PFKFB3: variants seen among roughly 807,000 people sequenced by gnomAD.
PFKFB3 encodes 6-phosphofructo-2-kinase/fructose-2,6-bisphosphatase 3.
PFKFB3 carries 33 observed loss-of-function variants against 68.0 expected under a neutral mutation model. The observed-to-expected ratio is 0.49, with a 90% CI of 0.37 to 0.65. The LOEUF is 0.65. Ranked by LOEUF, PFKFB3 falls within the 30% of genes least tolerant of loss-of-function variation. The probability of loss-of-function intolerance (pLI) is 0.00; values close to 1 mark genes in which losing one functional copy is unlikely to be tolerated. For synonymous variants in PFKFB3, 315 were observed against 288.2 expected (o/e 1.09, Z -0.94); for missense variants, 586 against 712.2 (o/e 0.82, Z 2.02).
chr10:6,254,237 G>T (rs1846452099), exon 15 of PFKFB3: 1 of 398,546 alleles, frequency 2.5e-6, no homozygotes, highest in South Asian at 1.3e-4. Context: ...CCCCTGAAGG[G>T]CAGAGCATTC....
At chr10:6,254,207 C>T in exon 15 of PFKFB3, 1 of 398,096 alleles carries the variant, frequency 2.5e-6, no homozygotes, top group Non-Finnish European at 4.4e-6. Context: ...CTGGAAGGGA[C>T]CCTGAGCCAC....
intron 1 of PFKFB3, among the ~76,000 whole-genome samples, chr10:6,157,437 A>G (rs111557160): frequency 4.1e-4 from 63 of 152,246 alleles, no homozygotes; most frequent in African/African-American, 1.5e-3. Flanking sequence ...CGTGTTAGCC[A>G]GGATGGTCTC....
chr10:6,171,577 G>A (rs541074550), intron 1 of PFKFB3, among the ~76,000 whole-genome samples: 114 of 151,982 alleles, frequency 7.5e-4, no homozygotes, highest in African/African-American at 2.7e-3. Context: ...ATTTTTTGTA[G>A]AGATGAGGTC....
chr10:6,203,690 G>A (rs1843490479), intron 1 of PFKFB3, among the ~76,000 whole-genome samples: 1 of 151,822 alleles, frequency 6.6e-6, no homozygotes, highest in South Asian at 2.1e-4. Flanking sequence ...CGCAGCCCAG[G>A]GACCCGGCCG....
chr10:6,216,470 C>A (rs2251469), intron 4 of PFKFB3, among the ~76,000 whole-genome samples: 1 of 152,060 alleles, frequency 6.6e-6, no homozygotes, highest in Admixed American at 6.5e-5. Context: ...TACTGTTTTG[C>A]TTGTTTGCTT....
chr10:6,262,926 G>T, the PFKFB3 span, among the ~76,000 whole-genome samples: 10 of 152,186 alleles, frequency 6.6e-5, no homozygotes, highest in Admixed American at 1.3e-4. Flanking sequence ...TTCCAGGGGA[G>T]TTGAAAGAAG....
chr10:6,211,963 G>A (rs983175077), intron 1 of PFKFB3, among the ~76,000 whole-genome samples: 5 of 152,226 alleles, frequency 3.3e-5, no homozygotes, highest in African/African-American at 1.2e-4. Context: ...TGGGGGCTCC[G>A]GCTTACAGAG....
the PFKFB3 span, among the ~76,000 whole-genome samples, chr10:6,310,425 C>T: frequency 1.3e-5 from 2 of 152,172 alleles, no homozygotes; most frequent in African/African-American, 2.4e-5. Flanking sequence ...AGGCTGTTTA[C>T]ATCGCGAGTC....
chr10:6,278,658 A>G, the PFKFB3 span, among the ~76,000 whole-genome samples: 1 of 152,238 alleles, frequency 6.6e-6, no homozygotes, highest in African/African-American at 2.4e-5. Flanking sequence ...TAAAATAGCC[A>G]TCTGCATAGC....
At chr10:6,175,392 G>T (rs1266615173) in intron 1 of PFKFB3, among the ~76,000 whole-genome samples, 1 of 152,190 alleles carries the variant, frequency 6.6e-6, no homozygotes, top group Non-Finnish European at 1.5e-5. Flanking sequence ...ACTTGGATTT[G>T]CCTGGCATGG....
downstream of PFKFB3, among the ~76,000 whole-genome samples, chr10:6,254,808 C>CTTTTTTTTTTTTTTTTTTTT (rs144888417): frequency 7.3e-4 from 45 of 61,636 alleles, 9 homozygotes; most frequent in Admixed American, 1.4e-3. Context: ...TTTTTCTGTT[C>CTTTTTTTTTTTTTTTTTTTT]TTTTTTTTTT....
At chr10:6,155,327 CGAGTAGCT>C (rs2131692690) in intron 1 of PFKFB3, among the ~76,000 whole-genome samples, 1 of 151,902 alleles carries the variant, frequency 6.6e-6, no homozygotes, top group South Asian at 2.1e-4. Context: ...CTCAGCCTCC[CGAGTAGCT>C]GAGACCACAG....
the PFKFB3 span, among the ~76,000 whole-genome samples, chr10:6,264,133 C>T: frequency 1.3e-5 from 2 of 152,226 alleles, no homozygotes; most frequent in Non-Finnish European, 1.5e-5. Context: ...GGAAGGTTGC[C>T]TTTTCCCATT....
Position 6,229,585 on chromosome 10 carries a change from C to T in PFKFB3, c.1515+3220C>T. Among the ~76,000 whole-genome samples, 2 of 151,996 alleles carry T rather than the reference C, an allele frequency of 1.3e-5. 1 individual carries two copies. Among genetic ancestry groups the T allele is most frequent in the Non-Finnish European group, 2.9e-5 (2 of 68,036 alleles). ...CTAAGGTGGGCCTGCCCTTAACTTC[C>T]AGCTTCTTGGGGCGCACCCTCCATC... On this transcript the variant is annotated intron_variant, in intron 14 of 14. Coordinates refer to ENST00000379775, the MANE Select transcript of PFKFB3 (RefSeq NM_004566.4). The surrounding 1 kb of genome is among the most constrained non-coding windows in gnomAD (Gnocchi z 4.3).
intron 14 of PFKFB3, among the ~76,000 whole-genome samples, chr10:6,232,574 C>T (rs536490994): frequency 1.3e-5 from 2 of 152,290 alleles, no homozygotes; most frequent in African/African-American, 4.8e-5. Flanking sequence ...GGGTCGTGAG[C>T]ATGAGGCTCC....
the PFKFB3 span, among the ~76,000 whole-genome samples, chr10:6,319,615 G>A: frequency 6.6e-6 from 1 of 151,870 alleles, no homozygotes; most frequent in Non-Finnish European, 1.5e-5. Flanking sequence ...AAATATCCAT[G>A]TAACACGTAA....
exon 1 of PFKFB3, chr10:6,144,993 G>C: frequency 7.5e-7 from 1 of 1,324,932 alleles, no homozygotes; most frequent in South Asian, 1.9e-5. Flanking sequence ...AGCGCCCCCG[G>C]CGCGATGCCC....
the PFKFB3 span, among the ~76,000 whole-genome samples, chr10:6,285,272 T>A: frequency 6.6e-6 from 1 of 152,004 alleles, no homozygotes; most frequent in East Asian, 1.9e-4. Flanking sequence ...TCACTCTTGT[T>A]GCCCAGGCTA....
intron 1 of PFKFB3, among the ~76,000 whole-genome samples, chr10:6,156,127 A>ATGTGTGTGTG (rs1358879118): frequency 4.1e-4 from 19 of 46,782 alleles, no homozygotes; most frequent in East Asian, 1.0e-3. Context: ...ATGTACATAT[A>ATGTGTGTGTG]TATGTGTGTG....
Sources: allele counts gnomAD v4.1 joint callset (sites outside exome capture counted in the v4.1 genomes callset), GRCh38; gene constraint gnomAD v4.1.1; non-coding constraint Gnocchi (gnomAD v3.1); transcripts MANE v1.5; gene names NCBI Gene and HGNC (gene_info 2026-07-23, HGNC 2026-07-21).